The following CSMD1 variants were observed in gnomAD, a reference collection of about 807,000 sequenced individuals.
CSMD1 encodes the protein CUB and Sushi multiple domains 1, also known as CUB and sushi domain-containing protein 1.
A neutral mutation model predicts 417.5 loss-of-function variants in CSMD1; 213 were observed. That is an observed-to-expected ratio of 0.51 (90% CI 0.46 to 0.57). The LOEUF (loss-of-function observed/expected upper bound fraction) is 0.57, where lower values mean the gene tolerates loss of function less well. CSMD1 is among the 20% of genes least tolerant of loss of function. CSMD1 has a pLI of 0.00. For missense variants in CSMD1, 6,923 were observed against 4,529.7 expected (o/e 1.53, Z -15.17); for synonymous variants, 2,862 against 1,736.8 (o/e 1.65, Z -16.11).
chr8:3,187,656 T>A (rs1796142495), intron 36 of CSMD1, among the ~76,000 whole-genome samples: 1 of 152,168 alleles, frequency 6.6e-6, no homozygotes, highest in Non-Finnish European at 1.5e-5. Context: ...CACTTTTAGA[T>A]TGGTCTCCTC....
At chr8:4,525,522 G>C (rs1037630621) in intron 2 of CSMD1, among the ~76,000 whole-genome samples, 4 of 152,154 alleles carry the variant, frequency 2.6e-5, no homozygotes, top group Non-Finnish European at 5.9e-5. Context: ...TAGTAAAACA[G>C]TATTTACTCT....
At chr8:3,992,937 G>C (rs552688120) in intron 5 of CSMD1, among the ~76,000 whole-genome samples, 2 of 152,338 alleles carry the variant, frequency 1.3e-5, no homozygotes, top group Middle Eastern at 3.4e-3. Context: ...GTTAACATGG[G>C]ATAGGTCAAG....
At chr8:3,775,274 A>G (rs376811016) in intron 5 of CSMD1, among the ~76,000 whole-genome samples, 7 of 152,332 alleles carry the variant, frequency 4.6e-5, no homozygotes, top group Middle Eastern at 3.4e-3. Context: ...AGATTTAAAG[A>G]CAGTGAAAAA....
At chr8:4,732,344 CGTGTGTGTGTGTGTGT>C (rs750818272) in intron 1 of CSMD1, among the ~76,000 whole-genome samples, 1 of 141,052 alleles carries the variant, frequency 7.1e-6, no homozygotes, top group Non-Finnish European at 1.5e-5. Context: ...ATTTCTTCTG[CGTGTGTGTGTGTGTGT>C]GTGTGTGTGT....
At chr8:4,681,268 C>T (rs1806034564) in intron 1 of CSMD1, among the ~76,000 whole-genome samples, 1 of 152,074 alleles carries the variant, frequency 6.6e-6, no homozygotes, top group Non-Finnish European at 1.5e-5. Context: ...ATCCAGTCTG[C>T]TTGGCTTTTA....
intron 5 of CSMD1, among the ~76,000 whole-genome samples, chr8:3,801,299 A>G (rs117959113): frequency 1.3e-5 from 2 of 152,164 alleles, no homozygotes; most frequent in Non-Finnish European, 2.9e-5. Context: ...ATTGGGAAAA[A>G]GATTTAAATA....
intron 10 of CSMD1, among the ~76,000 whole-genome samples, chr8:3,504,575 T>A (rs1048467573): frequency 6.6e-6 from 1 of 152,234 alleles, no homozygotes; most frequent in Non-Finnish European, 1.5e-5. Context: ...TGAAGTATTC[T>A]GTTATTTCAA....
intron 51 of CSMD1, among the ~76,000 whole-genome samples, chr8:3,019,320 T>C (rs1392659848): frequency 1.9e-4 from 29 of 152,186 alleles, no homozygotes; most frequent in Non-Finnish European, 1.3e-4. Flanking sequence ...GTCAATCAAA[T>C]AAATTGTCTA....
intron 3 of CSMD1, among the ~76,000 whole-genome samples, chr8:4,167,175 C>T (rs1052377855): frequency 1.3e-5 from 2 of 151,984 alleles, no homozygotes; most frequent in African/African-American, 4.8e-5. Flanking sequence ...AAGTAGAAAA[C>T]CAGATAATTT....
At chr8:4,406,109 G>A (rs931426583) in intron 3 of CSMD1, among the ~76,000 whole-genome samples, 11 of 152,164 alleles carry the variant, frequency 7.2e-5, no homozygotes, top group African/African-American at 1.2e-4. Flanking sequence ...TCATTTCACA[G>A]CGGAACCAAA....
At chr8:4,972,912 G>A (rs1259038182) in intron 1 of CSMD1, among the ~76,000 whole-genome samples, 1 of 152,084 alleles carries the variant, frequency 6.6e-6, no homozygotes, top group Non-Finnish European at 1.5e-5. Flanking sequence ...CTTGTGGAGA[G>A]TACTCTTGAA....
intron 5 of CSMD1, among the ~76,000 whole-genome samples, chr8:3,801,884 T>A (rs922310049): frequency 6.6e-6 from 1 of 152,058 alleles, no homozygotes; most frequent in Non-Finnish European, 1.5e-5. Context: ...CACCACATAT[T>A]ATGAGATCTC....
At chr8:4,449,397 G>C (rs578228307) in intron 2 of CSMD1, among the ~76,000 whole-genome samples, 3 of 152,072 alleles carry the variant, frequency 2.0e-5, no homozygotes, top group Non-Finnish European at 4.4e-5. Context: ...AAGAGATACT[G>C]TGGCTATGTT....
chr8:3,160,505 G>C (rs920766714), intron 38 of CSMD1, among the ~76,000 whole-genome samples: 2 of 152,132 alleles, frequency 1.3e-5, no homozygotes, highest in Admixed American at 6.5e-5. Flanking sequence ...AGTGTGTTTG[G>C]TTACAAACTT....
intron 3 of CSMD1, among the ~76,000 whole-genome samples, chr8:4,294,891 G>A (rs1353140052): frequency 6.6e-6 from 1 of 151,726 alleles, no homozygotes; most frequent in South Asian, 2.1e-4. Context: ...AGCTGTCAAT[G>A]TGTATGGAAC....
rs73189914 is a variant in CSMD1, at chr8:4,278,668, T to G, written c.415+141285A>C. 7.4e-3 allele frequency among the ~76,000 whole-genome samples: 1,122 copies of G among 152,294 alleles called. 9 individuals carry two copies. Among genetic ancestry groups the G allele is most frequent in the Non-Finnish European group, 0.013 (853 of 68,010 alleles). ...CATAAAGTGTAGCTTTTTATTAACA[T>G]ACCGAACAGTCTATAGCCACTTAAA... On this transcript the variant is annotated intron_variant, in intron 3 of 69. Coordinates refer to ENST00000635120, the MANE Select transcript of CSMD1 (RefSeq NM_033225.6).
At chr8:4,463,493 A>G (rs1219851948) in intron 2 of CSMD1, among the ~76,000 whole-genome samples, 1 of 152,234 alleles carries the variant, frequency 6.6e-6, no homozygotes, top group East Asian at 1.9e-4. Flanking sequence ...ATAATTGCAA[A>G]AAGTGGAAAC....
At chr8:3,563,918 C>T (rs1009324422) in intron 10 of CSMD1, among the ~76,000 whole-genome samples, 1 of 152,168 alleles carries the variant, frequency 6.6e-6, no homozygotes, top group Non-Finnish European at 1.5e-5. Flanking sequence ...AACACACCAA[C>T]ATATTTTTAA....
chr8:4,643,778 T>G (rs1009718424), intron 1 of CSMD1, among the ~76,000 whole-genome samples: 10 of 152,164 alleles, frequency 6.6e-5, no homozygotes, highest in Non-Finnish European at 1.2e-4. Flanking sequence ...GGGTCTGCAT[T>G]ATGGGGAAAA....
Sources: allele counts gnomAD v4.1 joint callset (sites outside exome capture counted in the v4.1 genomes callset), GRCh38; gene constraint gnomAD v4.1.1; transcripts MANE v1.5; gene names NCBI Gene and HGNC (gene_info 2026-07-23, HGNC 2026-07-21).